Variants in PPP2R5E observed in about 807,000 individuals in gnomAD.
The protein encoded by PPP2R5E is protein phosphatase 2 regulatory subunit B'epsilon.
PPP2R5E carries 4 observed loss-of-function variants against 65.3 expected under a neutral mutation model. The ratio of observed to expected loss-of-function variants is 0.06; its 90% CI spans 0.03 to 0.14. The LOEUF (loss-of-function observed/expected upper bound fraction) is 0.14. Among genes scored for constraint, PPP2R5E ranks in the 10% least tolerant of loss-of-function variants. The probability of loss-of-function intolerance (pLI) is 1.00; values close to 1 mark genes in which losing one functional copy is unlikely to be tolerated. For missense variants in PPP2R5E, 274 were observed against 556.1 expected (o/e 0.49, Z 5.10); for synonymous variants, 183 against 187.4 (o/e 0.98, Z 0.19).
chr14:63,426,775 G>A (rs1887364609), intron 3 of PPP2R5E, among the ~76,000 whole-genome samples: 1 of 146,762 alleles, frequency 6.8e-6, no homozygotes. Flanking sequence ...AATGATTTAA[G>A]AATTAAATGA....
chr14:63,431,925 G>C (rs1887694796), intron 3 of PPP2R5E, among the ~76,000 whole-genome samples: 1 of 151,588 alleles, frequency 6.6e-6, no homozygotes, highest in Admixed American at 6.6e-5. Flanking sequence ...ATCTGTATTA[G>C]CAGGGCTTTC....
At chr14:63,493,210 GTT>G (rs398057162) in intron 2 of PPP2R5E, among the ~76,000 whole-genome samples, 3 of 143,504 alleles carry the variant, frequency 2.1e-5, no homozygotes, top group Non-Finnish European at 1.5e-5. Flanking sequence ...TTGGTGGGTT[GTT>G]TTTTTTTTTT....
intron 3 of PPP2R5E, among the ~76,000 whole-genome samples, chr14:63,447,442 A>T (rs60817374): frequency 6.6e-6 from 1 of 152,174 alleles, no homozygotes; most frequent in Non-Finnish European, 1.5e-5. Context: ...TTACTGTCCA[A>T]CTTTTCTTCT....
At chr14:63,463,896 G>A (rs994228586) in intron 2 of PPP2R5E, among the ~76,000 whole-genome samples, 10 of 151,972 alleles carry the variant, frequency 6.6e-5, no homozygotes, top group Non-Finnish European at 7.4e-5. Context: ...GCGCCCGGCC[G>A]AATTGACTTT....
At chr14:63,415,946 T>C (rs1338384246) in intron 4 of PPP2R5E, among the ~76,000 whole-genome samples, 2 of 152,236 alleles carry the variant, frequency 1.3e-5, no homozygotes, top group Non-Finnish European at 2.9e-5. Flanking sequence ...TTCAGAATTT[T>C]TGATACTCAC....
chr14:63,540,428 C>T (rs140932067), intron 1 of PPP2R5E, among the ~76,000 whole-genome samples: 49 of 83,236 alleles, frequency 5.9e-4, no homozygotes, highest in Non-Finnish European at 9.8e-4. Context: ...AAGAGTCCAT[C>T]TCAAAAAAAA....
At position 63,382,063 on chromosome 14, in the gene PPP2R5E, G is replaced by T. The variant is rs138474600; in HGVS notation, c.1297C>A (p.Arg433Ser). ...DELTATYKSD[R>S]QREKKKEKER... Reference sequence around the variant, plus strand: ...AAAGCTTTAAAAAGTTACCGCTGACGATCTGACTTGTATGTGGCTGTCAGC... The same window carrying T: ...AAAGCTTTAAAAAGTTACCGCTGACTATCTGACTTGTATGTGGCTGTCAGC... Residue 433 changes from arginine to serine, a missense_variant, in exon 13 of 14, where the codon CGT becomes AGT. By Grantham distance (110) the Arg-to-Ser change is moderately radical (BLOSUM62 -1). Around this residue, in one of 6 missense-constraint regions of PPP2R5E, gnomAD observed 129 missense variants for 254.9 expected, o/e 0.51. Transcript: ENST00000337537. 6.2e-7 allele frequency: 1 copy of T among 1,611,182 alleles called. No individual in the cohort carries two copies. The highest frequency in any genetic ancestry group is 2.2e-5 in the East Asian group (1 of 44,826).
chr14:63,466,273 C>CAA (rs550383242), intron 2 of PPP2R5E, among the ~76,000 whole-genome samples: 4,782 of 118,084 alleles, frequency 0.04, 257 homozygotes, highest in African/African-American at 0.13. Flanking sequence ...TTTAAAAATA[C>CAA]AAAAAAAAAA....
intron 4 of PPP2R5E, among the ~76,000 whole-genome samples, chr14:63,420,803 A>G (rs1886969172): frequency 3.0e-5 from 3 of 101,010 alleles, no homozygotes; most frequent in Admixed American, 2.7e-4. Context: ...CTGTAATCCC[A>G]GCACTTTGGG....
intron 2 of PPP2R5E, among the ~76,000 whole-genome samples, chr14:63,466,391 A>G (rs1889804181): frequency 6.6e-6 from 1 of 152,144 alleles, no homozygotes; most frequent in Admixed American, 6.5e-5. Flanking sequence ...TGAGACTGAC[A>G]CAGGACTGAG....
chr14:63,494,626 G>A lies in PPP2R5E; in HGVS notation c.158-40741C>T, dbSNP rs540167585. 1.8e-4 allele frequency among the ~76,000 whole-genome samples: 27 copies of A among 152,134 alleles called. 1 individual carries two copies. Among genetic ancestry groups the A allele is most frequent in the Non-Finnish European group, 3.8e-4 (26 of 68,000 alleles). On this transcript the variant is annotated intron_variant, in intron 2 of 13. Transcript: ENST00000337537. The stretch of plus-strand genomic sequence containing the variant: ...AAACATTCACAGAGGCCAACATGGT[G>A]GATCATGCCTGTAATCCCAGCATTT...
chr14:63,375,924 G>T lies in PPP2R5E; in HGVS notation c.*85C>A. ...CAAAGGTGAAATCTACTGTAAAGTT[G>T]CACAATACAGAAAACTGTTGCTCCA... On this transcript the variant is annotated 3_prime_UTR_variant, in exon 14 of 14. Coordinates refer to ENST00000337537, the MANE Select transcript of PPP2R5E (RefSeq NM_006246.5). 1.1e-6 allele frequency: 1 copy of T among 924,646 alleles called. No individual in the cohort carries two copies. The highest frequency in any genetic ancestry group is 1.7e-6 in the Non-Finnish European group (1 of 584,582). 57.3% of individuals were successfully genotyped at this position (924,646 alleles called of 1,614,324 possible). A position where few individuals can be genotyped will look rare whatever the true frequency, so the allele number is the denominator to read the frequency against.
chr14:63,491,234 AGCCAGG>A (rs4027737), intron 2 of PPP2R5E, among the ~76,000 whole-genome samples: 16,116 of 152,060 alleles, frequency 0.11, 1,513 homozygotes, highest in African/African-American at 0.26. Context: ...AGAAGGGGGA[AGCCAGG>A]TGGCAAGGGT....
At chr14:63,451,103 T>C (rs1056689259) in intron 3 of PPP2R5E, among the ~76,000 whole-genome samples, 2 of 152,092 alleles carry the variant, frequency 1.3e-5, no homozygotes, top group Admixed American at 1.3e-4. Flanking sequence ...CAGTTTCTTA[T>C]AAAACTAAAC....
intron 11 of PPP2R5E, among the ~76,000 whole-genome samples, chr14:63,387,292 T>A (rs1297341327): frequency 6.6e-6 from 1 of 152,168 alleles, no homozygotes; most frequent in African/African-American, 2.4e-5. Flanking sequence ...CTCTTATATA[T>A]CCATTTTAAT....
At chr14:63,503,399 G>A (rs1045061329) in intron 2 of PPP2R5E, among the ~76,000 whole-genome samples, 2 of 152,152 alleles carry the variant, frequency 1.3e-5, no homozygotes, top group Admixed American at 6.5e-5. Context: ...CTATGACACT[G>A]CCAAAGCAAT....
chr14:63,539,432 A>C, intron 2 of PPP2R5E, 97 bp downstream of exon 2: 2 of 1,330,130 alleles, frequency 1.5e-6, no homozygotes, highest in Admixed American at 4.6e-5. Flanking sequence ...CCATCCCTTC[A>C]ATTTGCAACA....
chr14:63,379,067 C>G (rs574408176), intron 13 of PPP2R5E, among the ~76,000 whole-genome samples: 1 of 150,862 alleles, frequency 6.6e-6, no homozygotes, highest in Non-Finnish European at 1.5e-5. Context: ...CTCGCTCTGT[C>G]GCCCAGGCTG....
intron 2 of PPP2R5E, among the ~76,000 whole-genome samples, chr14:63,513,877 A>G (rs1269409112): frequency 2.0e-5 from 3 of 152,164 alleles, no homozygotes; most frequent in Non-Finnish European, 4.4e-5. Context: ...AAGAGAAAGG[A>G]CTAGAATATC....
Sources: gnomAD v4.1 joint callset for allele counts (sites outside exome capture counted in the v4.1 genomes callset) on GRCh38, gnomAD v4.1.1 for gene constraint, gnomAD v4.1.1 regional missense constraint, MANE v1.5 for transcripts, NCBI Gene and HGNC (gene_info 2026-07-23, HGNC 2026-07-21) for gene names.